WDFY4: variants seen among roughly 807,000 people sequenced by gnomAD.
The protein encoded by WDFY4 is WDFY family member 4.
WDFY4 carries 169 observed loss-of-function variants against 351.9 expected under a neutral mutation model. That is an observed-to-expected ratio of 0.48 (90% CI 0.42 to 0.55). The LOEUF is 0.55. Ranked by LOEUF, WDFY4 falls within the 20% of genes least tolerant of loss-of-function variation. WDFY4 has a pLI of 0.00. For missense variants in WDFY4, 3,803 were observed against 3,935.6 expected, an observed-to-expected ratio of 0.97 and a Z score of 0.90; for synonymous variants, 1,622 against 1,574.6, an observed-to-expected ratio of 1.03 and a Z score of -0.71.
At chr10:48,905,654 G>A (rs1837575792) in intron 47 of WDFY4, among the ~76,000 whole-genome samples, 1 of 152,198 alleles carries the variant, frequency 6.6e-6, no homozygotes, top group Non-Finnish European at 1.5e-5. Context: ...TCAGAGGAAT[G>A]CTCATCTCAG....
chr10:48,968,743 G>T lies in WDFY4; in HGVS notation c.8585-321G>T, dbSNP rs17011565. On this transcript the variant is annotated intron_variant, in intron 55 of 61. Transcript: ENST00000325239. ...CCAGACTTGGAATGAGGTCTGGGCA[G>T]CTCCAAATCCCGTGCTGTGAGCCAT... is the stretch of plus-strand genomic sequence containing the variant. 4.3e-3 allele frequency: 1,610 copies of T among 372,874 alleles called. 29 individuals are homozygous for T. Among genetic ancestry groups the T allele is most frequent in the African/African-American group, 0.031 (1,498 of 48,818 alleles). The allele number at this position is 372,874 out of a possible 1,614,324, so 23.1% of individuals were successfully genotyped here.
At chr10:48,762,261 T>C (rs1376882649) in intron 13 of WDFY4, among the ~76,000 whole-genome samples, 1 of 152,160 alleles carries the variant, frequency 6.6e-6, no homozygotes, top group Non-Finnish European at 1.5e-5. Flanking sequence ...ACAGCAACTG[T>C]TTCCAGGAAA....
chr10:48,867,729 T>G (rs557990611), intron 40 of WDFY4, among the ~76,000 whole-genome samples: 1 of 152,350 alleles, frequency 6.6e-6, no homozygotes, highest in Non-Finnish European at 1.5e-5. Context: ...CTGTGGCTGA[T>G]AGAGAATGGA....
intron 12 of WDFY4, among the ~76,000 whole-genome samples, chr10:48,758,400 T>G (rs759572382): frequency 2.6e-5 from 4 of 152,168 alleles, no homozygotes; most frequent in Non-Finnish European, 5.9e-5. Context: ...ATAATTTTTT[T>G]TGTTTATTTT....
intron 40 of WDFY4, 34 bp from the exon 41 acceptor site, chr10:48,873,457 A>T (rs1336862320): frequency 6.6e-7 from 1 of 1,507,884 alleles, no homozygotes; most frequent in South Asian, 1.3e-5. Flanking sequence ...CATAAGGCAA[A>T]TGTATCCAGG....
At chr10:48,916,426 C>A (rs764256268) in intron 47 of WDFY4, among the ~76,000 whole-genome samples, 5 of 152,124 alleles carry the variant, frequency 3.3e-5, no homozygotes, top group Non-Finnish European at 7.3e-5. Flanking sequence ...CCCAGGCCAC[C>A]CTGTATCCCT....
At chr10:48,745,772 G>A (rs1430389160) in intron 12 of WDFY4, 1 of 462,302 alleles carries the variant, frequency 2.2e-6, no homozygotes, top group East Asian at 5.7e-5. Flanking sequence ...ACAGCCTTGC[G>A]GGCAGCAGAA....
chr10:48,936,603 CG>C lies in WDFY4; in HGVS notation c.7587-5202del, dbSNP rs553229599. Among the ~76,000 whole-genome samples, 420 of 123,048 alleles carry C rather than the reference CG, an allele frequency of 3.4e-3. 2 individuals are homozygous for C. The highest frequency in any genetic ancestry group is 0.025 in the South Asian group (89 of 3,550). The allele number at this position is 123,048 out of a possible 152,430, so 80.7% of individuals were successfully genotyped here. A position where few individuals can be genotyped will look rare whatever the true frequency, so the allele number is the denominator to read the frequency against. ...CTGTAATTCCAGCACTTTCGGAGGCCGAAGAGGGTGGATCACAAGGTCTGGA... is the reference window on the plus strand; with the variant it reads ...CTGTAATTCCAGCACTTTCGGAGGCCAAGAGGGTGGATCACAAGGTCTGGA... On this transcript the variant is annotated intron_variant, in intron 47 of 61. Coordinates refer to ENST00000325239, the MANE Select transcript of WDFY4 (RefSeq NM_001394531.1).
intron 61 of WDFY4, among the ~76,000 whole-genome samples, chr10:48,981,989 G>A (rs1415072361): frequency 6.6e-6 from 1 of 152,192 alleles, no homozygotes; most frequent in Non-Finnish European, 1.5e-5. Flanking sequence ...ACACTGCGAG[G>A]TGCAGCCTTA....
At chr10:48,802,690 C>A (rs1307979781) in intron 24 of WDFY4, 1 of 471,170 alleles carries the variant, frequency 2.1e-6, no homozygotes, top group Non-Finnish European at 4.4e-6. Flanking sequence ...CTTTCAGAAT[C>A]TCAGTGAATT....
intron 47 of WDFY4, among the ~76,000 whole-genome samples, chr10:48,937,703 C>T (rs899977244): frequency 4.6e-5 from 7 of 152,266 alleles, no homozygotes; most frequent in South Asian, 2.1e-4. Context: ...AAATGAAAAG[C>T]GATAGGTAGT....
intron 45 of WDFY4, among the ~76,000 whole-genome samples, chr10:48,897,802 G>A (rs908088776): frequency 6.6e-6 from 1 of 152,242 alleles, no homozygotes; most frequent in Admixed American, 6.5e-5. Context: ...GTTGGCTGTT[G>A]GGCCTTTTGC....
chr10:48,966,385 G>C, intron 54 of WDFY4, 141 bp from the exon 55 acceptor site: 1 of 879,370 alleles, frequency 1.1e-6, no homozygotes, highest in Non-Finnish European at 1.7e-6. Context: ...TGGACCAGAG[G>C]TTCTGTTCAT....
chr10:48,944,350 C>T (rs1840935756), intron 49 of WDFY4, among the ~76,000 whole-genome samples: 1 of 152,308 alleles, frequency 6.6e-6, no homozygotes, highest in Admixed American at 6.5e-5. Context: ...TTAGCCTGCA[C>T]CCCTGCGCCC....
At position 48,751,656 on chromosome 10, in the gene WDFY4, C is replaced by G. The variant is rs563259101; in HGVS notation, c.2459+8108C>G. ...ATCAGCATGGACTGCACAAATGAGG[C>G]CGCTTTGCTTTTAATTTTCTAATGC... is the stretch of plus-strand genomic sequence containing the variant. On this transcript the variant is annotated intron_variant, in intron 12 of 61. Coordinates refer to ENST00000325239, the MANE Select transcript of WDFY4 (RefSeq NM_001394531.1). Among the ~76,000 whole-genome samples the G allele has an allele frequency of 5.9e-5, 9 of 152,274 alleles. No homozygotes were observed. The South Asian group carries it at 1.2e-3, about 21-fold the overall frequency.
chr10:48,812,200 T>G lies in WDFY4; in HGVS notation c.5214+492T>G, dbSNP rs527342491. On this transcript the variant is annotated intron_variant, in intron 30 of 61. Transcript: ENST00000325239. ...TTTTCTTTTTTTTTTGTTTTTTTTG[T>G]TTTTTTTTGAGACAGAGTCTTACTG... Among the ~76,000 whole-genome samples, 21 of 147,948 alleles carry G rather than the reference T, an allele frequency of 1.4e-4. No individual in the cohort carries two copies. The East Asian group carries it at 3.1e-3, about 22-fold the overall frequency.
chr10:48,835,561 C>A (rs1227730685), intron 39 of WDFY4, among the ~76,000 whole-genome samples: 5 of 152,206 alleles, frequency 3.3e-5, no homozygotes, highest in African/African-American at 4.8e-5. Context: ...CCAGGAAGAA[C>A]TACTTTCAGC....
At chr10:48,897,309 A>T in intron 44 of WDFY4, 145 bp from the exon 45 acceptor site, 1 of 1,151,918 alleles carries the variant, frequency 8.7e-7, no homozygotes. Context: ...GGGCTAGCAC[A>T]CTGGTTGGCA....
At chr10:48,938,903 G>A (rs1840578120) in intron 47 of WDFY4, among the ~76,000 whole-genome samples, 2 of 152,284 alleles carry the variant, frequency 1.3e-5, no homozygotes, top group Non-Finnish European at 1.5e-5. Flanking sequence ...TTGATGTGAT[G>A]TCCCCTGTAT....
Sources: gnomAD v4.1 joint callset for allele counts (sites outside exome capture counted in the v4.1 genomes callset) on GRCh38, gnomAD v4.1.1 for gene constraint, MANE v1.5 for transcripts, NCBI Gene and HGNC (gene_info 2026-07-23, HGNC 2026-07-21) for gene names.